ABLIM2: variants seen among roughly 807,000 people sequenced by gnomAD.
ABLIM2 encodes actin binding LIM protein family member 2.
ABLIM2 carries 53 observed loss-of-function variants against 97.7 expected under a neutral mutation model. That is an observed-to-expected ratio of 0.54 (90% CI 0.44 to 0.68). The LOEUF is 0.68. Among genes scored for constraint, ABLIM2 ranks in the 30% least tolerant of loss-of-function variants. The probability of loss-of-function intolerance (pLI) is 0.00; values close to 1 mark genes in which losing one functional copy is unlikely to be tolerated. For synonymous variants in ABLIM2, 361 were observed against 345.8 expected (o/e 1.04, Z -0.49); for missense variants, 835 against 867.2 (o/e 0.96, Z 0.47).
intron 8 of ABLIM2, among the ~76,000 whole-genome samples, chr4:8,049,481 T>C (rs1023741883): frequency 6.6e-6 from 1 of 152,210 alleles, no homozygotes; most frequent in Non-Finnish European, 1.5e-5. Context: ...CCTGAAAGAC[T>C]GGTTCAGGCC....
intron 3 of ABLIM2, among the ~76,000 whole-genome samples, chr4:8,093,384 G>A: frequency 6.6e-6 from 1 of 152,254 alleles, no homozygotes; most frequent in Admixed American, 6.5e-5. Context: ...TTATTTTGGT[G>A]CAGATTGGCT....
chr4:8,158,299 GC>G (rs1292025704), intron 1 of ABLIM2, among the ~76,000 whole-genome samples: 3 of 152,224 alleles, frequency 2.0e-5, no homozygotes, highest in Non-Finnish European at 2.9e-5. Flanking sequence ...ACCTCTGCGT[GC>G]CTAGGTCTGC....
At position 8,122,995 on chromosome 4, in the gene ABLIM2, C is replaced by A. The variant is rs1488805315; in HGVS notation, c.11-16358G>T. 6.6e-6 allele frequency among the ~76,000 whole-genome samples: 1 copy of A among 152,154 alleles called. No homozygotes were observed. Among genetic ancestry groups the A allele is most frequent in the Non-Finnish European group, 1.5e-5 (1 of 68,026 alleles). On this transcript the variant is annotated intron_variant, in intron 1 of 20. Transcript: ENST00000447017. The surrounding 1 kb of genome is among the most constrained non-coding windows in gnomAD (Gnocchi z 4.1). ...GACGTCTTCCCGGAGGTCGTGCCTG[C>A]CTCCCCTGGCGTTCCCACTCTGCAA...
Position 8,078,730 on chromosome 4 carries a change from C to T in ABLIM2, c.582-1009G>A, listed in dbSNP as rs1817873955. Among the ~76,000 whole-genome samples the T allele has an allele frequency of 2.0e-5, 3 of 152,294 alleles. No homozygotes were observed. The South Asian group carries it at 6.2e-4, about 32-fold the overall frequency. On this transcript the variant is annotated intron_variant, in intron 5 of 20. Coordinates refer to ENST00000447017, the MANE Select transcript of ABLIM2 (RefSeq NM_001130083.2). Reference sequence around the variant, plus strand: ...TTAACCTCTCTGAGCCTCAGCTTCCCCAACTGCATAATGGGGGAAATAATA... The same window carrying T: ...TTAACCTCTCTGAGCCTCAGCTTCCTCAACTGCATAATGGGGGAAATAATA...
intron 20 of ABLIM2, among the ~76,000 whole-genome samples, chr4:7,980,908 AC>A (rs1270961985): frequency 2.1e-5 from 3 of 144,282 alleles, no homozygotes; most frequent in Non-Finnish European, 4.5e-5. Flanking sequence ...GACTTCATCT[AC>A]GTAATAAGAA....
At chr4:8,029,929 G>A (rs889180607) in intron 10 of ABLIM2, among the ~76,000 whole-genome samples, 153 bp from the exon 11 acceptor site, 6 of 152,212 alleles carry the variant, frequency 3.9e-5, no homozygotes, top group African/African-American at 1.4e-4. Context: ...ACCTGTCAGG[G>A]CAGGTCTGAA....
At chr4:8,036,863 CACAA>C (rs1385491304) in intron 9 of ABLIM2, among the ~76,000 whole-genome samples, 2 of 151,610 alleles carry the variant, frequency 1.3e-5, no homozygotes, top group Non-Finnish European at 2.9e-5. Context: ...ACACTGCACA[CACAA>C]ACACACATAT....
chr4:8,047,738 C>G (rs763634513), intron 8 of ABLIM2, among the ~76,000 whole-genome samples: 4 of 152,192 alleles, frequency 2.6e-5, no homozygotes, highest in Non-Finnish European at 5.9e-5. Context: ...CTCGTCCATC[C>G]CCCGGCAACA....
rs1560489798 is a variant in ABLIM2 at position 7,996,019 on chromosome 4, G to T, written c.1619-3092C>A. ...TGCCTTGCAGTCCTGGGGTCCTCCAGGAGACACCTTCCTCCTCCTTCATGC... is the reference window on the plus strand; with the variant it reads ...TGCCTTGCAGTCCTGGGGTCCTCCATGAGACACCTTCCTCCTCCTTCATGC... On this transcript the variant is annotated intron_variant, in intron 16 of 20. Coordinates refer to ENST00000447017, the MANE Select transcript of ABLIM2 (RefSeq NM_001130083.2). The surrounding 1 kb of genome is among the most constrained non-coding windows in gnomAD (Gnocchi z 4.5). Among the ~76,000 whole-genome samples, 17 of 152,266 alleles carry T rather than the reference G, an allele frequency of 1.1e-4. 1 individual carries two copies. The South Asian group carries it at 3.5e-3, about 32-fold the overall frequency.
chr4:8,138,346 A>G (rs938323473), intron 1 of ABLIM2, among the ~76,000 whole-genome samples: 8 of 152,248 alleles, frequency 5.3e-5, no homozygotes, highest in African/African-American at 1.9e-4. Flanking sequence ...ATTTAATCAC[A>G]ATAAAAAATA....
Position 8,005,326 on chromosome 4 carries a change from C to T in ABLIM2, c.1618+2733G>A, listed in dbSNP as rs1560547017. On this transcript the variant is annotated intron_variant, in intron 16 of 20. Transcript: ENST00000447017. This position sits in a 1 kb window ranked among gnomAD's most constrained non-coding sequence, Gnocchi z 4.9. ...CACAGAGTGGGTGCTCAATAAATAC[C>T]CGTTGAATGTAACGCATTTCAATTC... The T allele has an allele frequency of 1.9e-6, 1 of 533,006 alleles. No homozygotes were observed. The highest frequency in any genetic ancestry group is 3.8e-6 in the Non-Finnish European group (1 of 259,954). The allele number at this position is 533,006 out of a possible 1,614,324, so 33.0% of individuals were successfully genotyped here.
At position 8,075,145 on chromosome 4, in the gene ABLIM2, C is replaced by T. The variant is rs866761584; in HGVS notation, c.675+2483G>A. ...TGCGAGAGTAAAGCTTATGTCCGAACGAACCTTGAAAACATCAAGCTATGT... is the reference window on the plus strand; with the variant it reads ...TGCGAGAGTAAAGCTTATGTCCGAATGAACCTTGAAAACATCAAGCTATGT... On this transcript the variant is annotated intron_variant, in intron 6 of 20. Transcript: ENST00000447017. The surrounding 1 kb of genome is among the most constrained non-coding windows in gnomAD (Gnocchi z 4.4). 7.2e-5 allele frequency among the ~76,000 whole-genome samples: 11 copies of T among 152,246 alleles called. No homozygotes were observed. Among genetic ancestry groups the T allele is most frequent in the Middle Eastern group, 6.8e-3 (2 of 294 alleles).
At chr4:8,119,066 T>A (rs1844071805) in intron 1 of ABLIM2, among the ~76,000 whole-genome samples, 1 of 152,142 alleles carries the variant, frequency 6.6e-6, no homozygotes, top group Admixed American at 6.5e-5. Flanking sequence ...AGTCCCATGG[T>A]GCCAGGGATC....
rs777666802 is a variant in ABLIM2 at position 8,149,315 on chromosome 4, G to A, written c.10+9365C>T. On this transcript the variant is annotated intron_variant, in intron 1 of 20. Transcript: ENST00000447017. The surrounding 1 kb of genome is among the most constrained non-coding windows in gnomAD (Gnocchi z 6.4). ...CATATGAACAGTCATTTTGCCGCAT[G>A]AGGTCACATAGTCACAGGGCCTGGG... Among the ~76,000 whole-genome samples the A allele has an allele frequency of 1.4e-4, 21 of 152,134 alleles. No individual in the cohort carries two copies. The highest frequency in any genetic ancestry group is 4.1e-4 in the African/African-American group (17 of 41,440).
intron 1 of ABLIM2, among the ~76,000 whole-genome samples, chr4:8,154,385 G>A (rs1354731378): frequency 1.0e-4 from 15 of 143,532 alleles, no homozygotes; most frequent in Non-Finnish European, 1.5e-4. Context: ...TGGTTCAAGC[G>A]ATTCTCCTGC....
intron 20 of ABLIM2, among the ~76,000 whole-genome samples, chr4:7,978,588 G>C (rs537287907): frequency 3.9e-5 from 6 of 152,306 alleles, no homozygotes; most frequent in East Asian, 1.9e-4. Context: ...TTTGTGGTGA[G>C]AGCAATTAAC....
chr4:8,087,242 G>C lies in ABLIM2; in HGVS notation c.454+927C>G, dbSNP rs898938165. 6.6e-5 allele frequency among the ~76,000 whole-genome samples: 10 copies of C among 152,184 alleles called. No individual in the cohort carries two copies. Among genetic ancestry groups the C allele is most frequent in the Non-Finnish European group, 1.3e-4 (9 of 67,998 alleles). On this transcript the variant is annotated intron_variant, in intron 4 of 20. Coordinates refer to ENST00000447017, the MANE Select transcript of ABLIM2 (RefSeq NM_001130083.2). The surrounding 1 kb of genome is among the most constrained non-coding windows in gnomAD (Gnocchi z 4.6). The stretch of plus-strand genomic sequence containing the variant: ...GCCTGGCAGCGGCGGGGCCTGGTTT[G>C]CTGGGCTTCCCTCCCAGAGCCTGTG...
intron 9 of ABLIM2, among the ~76,000 whole-genome samples, chr4:8,040,011 A>ATGAACGAGGCCCAGTCCC (rs1327095438): frequency 6.6e-6 from 1 of 151,962 alleles, no homozygotes; most frequent in Admixed American, 6.6e-5. Context: ...GGAAACTAAG[A>ATGAACGAGGCCCAGTCCC]TGAACGAGGC....
chr4:8,145,708 T>C (rs1390672003), intron 1 of ABLIM2, among the ~76,000 whole-genome samples: 4 of 151,364 alleles, frequency 2.6e-5, no homozygotes, highest in Non-Finnish European at 5.9e-5. Flanking sequence ...CTCTCTTTTA[T>C]AACCGTAGAC....
Sources: gnomAD v4.1 joint callset for allele counts (sites outside exome capture counted in the v4.1 genomes callset) on GRCh38, gnomAD v4.1.1 for gene constraint, Gnocchi (gnomAD v3.1) non-coding constraint, MANE v1.5 for transcripts, NCBI Gene and HGNC (gene_info 2026-07-23, HGNC 2026-07-21) for gene names.